Variants in KCNQ5 observed in about 807,000 individuals in gnomAD.
KCNQ5 encodes the protein potassium voltage-gated channel subfamily KQT member 5.
In KCNQ5, 30 loss-of-function variants were observed where a neutral mutation model predicts 98.2. The ratio of observed to expected loss-of-function variants is 0.31; its 90% CI spans 0.23 to 0.41. The LOEUF (loss-of-function observed/expected upper bound fraction) is 0.41. KCNQ5 is among the 10% of genes least tolerant of loss of function. The pLI is 1.00. For missense variants in KCNQ5, 835 were observed against 1,182.5 expected, an observed-to-expected ratio of 0.71 and a Z score of 4.31; for synonymous variants, 458 against 449.4, an observed-to-expected ratio of 1.02 and a Z score of -0.24.
chr6:73,194,418 T>C, intron 13 of KCNQ5, 34 bp from the exon 14 acceptor site: 1 of 1,562,014 alleles, frequency 6.4e-7, no homozygotes, highest in South Asian at 1.2e-5. Flanking sequence ...AATAACAGAT[T>C]ATACTCATGT....
chr6:72,658,276 ATTTATTT>A (rs1375452055), intron 1 of KCNQ5, among the ~76,000 whole-genome samples: 1 of 151,802 alleles, frequency 6.6e-6, no homozygotes, highest in Non-Finnish European at 1.5e-5. Context: ...ATTTAATTTT[ATTTATTT>A]TTTATTTATT....
At chr6:73,099,764 A>G (rs1035789905) in intron 5 of KCNQ5, among the ~76,000 whole-genome samples, 1 of 152,216 alleles carries the variant, frequency 6.6e-6, no homozygotes, top group Non-Finnish European at 1.5e-5. Context: ...TCAGCATTGG[A>G]CAGATCATCC....
At chr6:72,742,807 A>G (rs1771197603) in intron 1 of KCNQ5, among the ~76,000 whole-genome samples, 1 of 152,160 alleles carries the variant, frequency 6.6e-6, no homozygotes, top group Admixed American at 6.6e-5. Context: ...GTCAACTCCA[A>G]ATGCAGAAAT....
chr6:72,773,937 A>G (rs1479003977), intron 1 of KCNQ5, among the ~76,000 whole-genome samples: 1 of 152,158 alleles, frequency 6.6e-6, no homozygotes, highest in East Asian at 1.9e-4. Context: ...GGAACAGAAT[A>G]GAGATTCCAG....
At chr6:72,683,363 C>CTT (rs142268901) in intron 1 of KCNQ5, among the ~76,000 whole-genome samples, 65 of 113,240 alleles carry the variant, frequency 5.7e-4, no homozygotes, top group Admixed American at 7.3e-4. Flanking sequence ...GCCACATATA[C>CTT]TTTTTTTTTT....
intron 3 of KCNQ5, among the ~76,000 whole-genome samples, chr6:73,075,905 C>T (rs150542877): frequency 3.3e-5 from 5 of 152,046 alleles, no homozygotes; most frequent in South Asian, 2.1e-4. Context: ...ATTAGCCAGG[C>T]GTGTTGGTGC....
intron 2 of KCNQ5, among the ~76,000 whole-genome samples, chr6:73,019,623 G>T (rs904048259): frequency 1.3e-5 from 2 of 152,092 alleles, no homozygotes; most frequent in Non-Finnish European, 2.9e-5. Context: ...CCTTTATCCA[G>T]CTATATTAAA....
intron 10 of KCNQ5, chr6:73,157,724 C>A: frequency 1.3e-6 from 1 of 777,234 alleles, no homozygotes; most frequent in Non-Finnish European, 2.4e-6. Flanking sequence ...CCCATCAGGT[C>A]ATAGGGGTCC....
Position 72,670,944 on chromosome 6 carries a change from G to A in KCNQ5, c.398+48357G>A, listed in dbSNP as rs185001421. Among the ~76,000 whole-genome samples the A allele has an allele frequency of 5.9e-5, 9 of 152,228 alleles. No homozygotes were observed. In the East Asian group the frequency reaches 1.7e-3, roughly 29 times the overall value. ...GGCCCTATCTCTAAATAGTTATATT[G>A]GGGGTTGGATATTCAATATTCAAAA... On this transcript the variant is annotated intron_variant, in intron 1 of 13. Transcript: ENST00000370398.
At chr6:72,670,490 C>CT (rs905518517) in intron 1 of KCNQ5, among the ~76,000 whole-genome samples, 3 of 152,042 alleles carry the variant, frequency 2.0e-5, no homozygotes, top group African/African-American at 4.8e-5. Flanking sequence ...TTTTTAGGTA[C>CT]TTTTTTACAG....
At chr6:72,867,960 A>G (rs1778055945) in intron 1 of KCNQ5, among the ~76,000 whole-genome samples, 1 of 151,064 alleles carries the variant, frequency 6.6e-6, no homozygotes, top group South Asian at 2.1e-4. Context: ...TACTACTACT[A>G]CTACTACTAC....
Position 73,195,487 on chromosome 6 carries a change from C to T in KCNQ5, c.*73C>T. 6.6e-7 allele frequency: 1 copy of T among 1,519,780 alleles called. No homozygotes were observed. Among genetic ancestry groups the T allele is most frequent in the Non-Finnish European group, 8.8e-7 (1 of 1,136,258 alleles). The allele number at this position is 1,519,780 out of a possible 1,614,324, so 94.1% of individuals were successfully genotyped here. A position where few individuals can be genotyped will look rare whatever the true frequency, so the allele number is the denominator to read the frequency against. On this transcript the variant is annotated 3_prime_UTR_variant, in exon 14 of 14. Transcript: ENST00000370398. ...CATTGCATGAACTATTTCGAAAGCCCTTCTAAAAAGTTGAAATTGCAAGAA... is the reference window on the plus strand; with the variant it reads ...CATTGCATGAACTATTTCGAAAGCCTTTCTAAAAAGTTGAAATTGCAAGAA...
intron 10 of KCNQ5, among the ~76,000 whole-genome samples, chr6:73,141,156 G>GAAGTCCAAGATC (rs1776689559): frequency 6.6e-6 from 1 of 152,194 alleles, no homozygotes; most frequent in Non-Finnish European, 1.5e-5. Flanking sequence ...CATGGTGCTG[G>GAAGTCCAAGATC]AAGATTCTGT....
intron 1 of KCNQ5, among the ~76,000 whole-genome samples, chr6:72,660,406 C>T (rs1422159591): frequency 6.6e-6 from 1 of 152,140 alleles, no homozygotes; most frequent in Non-Finnish European, 1.5e-5. Flanking sequence ...AACTGTTTAA[C>T]CTCTTAACAT....
At chr6:72,899,049 TAA>T (rs1330375319) in intron 1 of KCNQ5, among the ~76,000 whole-genome samples, 2 of 152,238 alleles carry the variant, frequency 1.3e-5, no homozygotes, top group African/African-American at 2.4e-5. Context: ...TGAATTTGTT[TAA>T]GTTCCTTATA....
At chr6:73,114,765 T>G (rs1775414685) in intron 7 of KCNQ5, among the ~76,000 whole-genome samples, 2 of 152,162 alleles carry the variant, frequency 1.3e-5, no homozygotes, top group Admixed American at 1.3e-4. Flanking sequence ...AATATATGCT[T>G]TATTAGAAAC....
intron 1 of KCNQ5, among the ~76,000 whole-genome samples, chr6:72,773,524 C>A (rs1174008235): frequency 2.0e-5 from 3 of 152,044 alleles, no homozygotes; most frequent in Non-Finnish European, 4.4e-5. Flanking sequence ...ATGGATGCAG[C>A]AAACCACCAT....
chr6:73,195,560 G>A lies in KCNQ5; in HGVS notation c.*146G>A, dbSNP rs1582522046. The A allele has an allele frequency of 2.1e-6, 2 of 970,424 alleles. No individual in the cohort carries two copies. The highest frequency in any genetic ancestry group is 2.5e-5 in the East Asian group (1 of 39,280). 60.1% of individuals were successfully genotyped at this position (970,424 alleles called of 1,614,324 possible). A position where few individuals can be genotyped will look rare whatever the true frequency, so the allele number is the denominator to read the frequency against. On this transcript the variant is annotated 3_prime_UTR_variant, in exon 14 of 14. Transcript: ENST00000370398. ...TTTATAAGCCCGTTACCTTTTAATTGCATGAAAATGCATGTTTAGGGATGG... is the reference window on the plus strand; with the variant it reads ...TTTATAAGCCCGTTACCTTTTAATTACATGAAAATGCATGTTTAGGGATGG...
intron 1 of KCNQ5, among the ~76,000 whole-genome samples, chr6:72,859,535 A>G (rs1296598353): frequency 6.6e-6 from 1 of 151,462 alleles, no homozygotes; most frequent in Non-Finnish European, 1.5e-5. Flanking sequence ...TTAACTCTGT[A>G]TTTTTTCTTG....
Sources: allele counts gnomAD v4.1 joint callset (sites outside exome capture counted in the v4.1 genomes callset), GRCh38; gene constraint gnomAD v4.1.1; transcripts MANE v1.5; gene names NCBI Gene and HGNC (gene_info 2026-07-23, HGNC 2026-07-21).